The following SLC5A1 variants were observed in gnomAD, a reference collection of about 807,000 sequenced individuals.
SLC5A1 encodes solute carrier family 5 member 1.
A neutral mutation model predicts 73.5 loss-of-function variants in SLC5A1; 42 were observed. The observed-to-expected ratio is 0.57, with a 90% CI of 0.45 to 0.74. SLC5A1 has a LOEUF of 0.74. SLC5A1 is among the 30% of genes least tolerant of loss of function. The pLI is 0.00. For missense variants in SLC5A1, 634 were observed against 855.4 expected, an observed-to-expected ratio of 0.74 and a Z score of 3.23; for synonymous variants, 300 against 317.4, an observed-to-expected ratio of 0.95 and a Z score of 0.58.
intron 12 of SLC5A1, among the ~76,000 whole-genome samples, chr22:32,099,737 A>AT: frequency 6.6e-6 from 1 of 152,062 alleles, no homozygotes; most frequent in South Asian, 2.1e-4. Context: ...AATCTTGGTG[A>AT]TTTTGACCTG....
intron 11 of SLC5A1, among the ~76,000 whole-genome samples, chr22:32,098,809 G>A (rs916494836): frequency 7.9e-5 from 12 of 151,962 alleles, no homozygotes; most frequent in African/African-American, 2.4e-4. Flanking sequence ...TGTAGAGGCC[G>A]GGTGCGGTGG....
intron 2 of SLC5A1, 147 bp downstream of exon 2, chr22:32,050,161 G>A (rs1201114105): frequency 1.3e-6 from 1 of 763,132 alleles, no homozygotes; most frequent in African/African-American, 1.7e-5. Flanking sequence ...TGCTCATCGG[G>A]TCTCCTGGGC....
intron 14 of SLC5A1, among the ~76,000 whole-genome samples, chr22:32,106,222 G>T (rs947078362): frequency 5.3e-5 from 8 of 152,168 alleles, no homozygotes; most frequent in African/African-American, 1.9e-4. Flanking sequence ...ATCCTCACCA[G>T]CATTTGTTAT....
chr22:32,062,376 C>T (rs1000971876), intron 2 of SLC5A1, among the ~76,000 whole-genome samples: 1 of 152,144 alleles, frequency 6.6e-6, no homozygotes, highest in Non-Finnish European at 1.5e-5. Context: ...TCCCTAAAAT[C>T]AAAAGAATAA....
chr22:32,109,919 GCT>G (rs1196093312), intron 14 of SLC5A1, 69 bp from the exon 15 acceptor site: 1 of 1,172,814 alleles, frequency 8.5e-7, no homozygotes, highest in African/African-American at 1.5e-5. Flanking sequence ...TCATGGTGTG[GCT>G]TCTCCCCTGA....
chr22:32,099,318 G>A lies in SLC5A1; in HGVS notation c.1416G>A (p.Leu472=). 1 of 1,613,150 alleles carries A rather than the reference G, an allele frequency of 6.2e-7. No homozygotes were observed. Among genetic ancestry groups the A allele is most frequent in the Non-Finnish European group, 8.5e-7 (1 of 1,179,662 alleles). The change falls in exon 12 of 15, where the codon CTG becomes CTA. Residue 472 remains leucine (L), a synonymous_variant. Transcript: ENST00000266088. ...GACCACCCATTGCGGCTGTCTTCCT[G>A]CTTGCTATTTTCTGGAAGAGAGTCA... is the stretch of plus-strand genomic sequence containing the variant. The part of the protein sequence containing the change: ...YLGPPIAAVF[L]LAIFWKRVNE...
intron 1 of SLC5A1, among the ~76,000 whole-genome samples, chr22:32,047,787 A>G (rs2093939057): frequency 6.6e-6 from 1 of 152,196 alleles, no homozygotes; most frequent in Non-Finnish European, 1.5e-5. Context: ...AGTGCCTGAG[A>G]TGTCACCATC....
intron 2 of SLC5A1, among the ~76,000 whole-genome samples, chr22:32,063,808 CAG>C (rs1378982292): frequency 9.9e-5 from 15 of 152,100 alleles, no homozygotes; most frequent in African/African-American, 3.6e-4. Context: ...AAGGCAGAGT[CAG>C]AGTTTTGGTA....
In SLC5A1 at chr22:32,110,670, CTT is replaced by C. The variant is rs1010547866; in HGVS notation, c.*458_*459del. 3 of 261,482 alleles carry C rather than the reference CTT, an allele frequency of 1.1e-5. No homozygotes were observed. Among genetic ancestry groups the C allele is most frequent in the Non-Finnish European group, 2.2e-5 (3 of 134,624 alleles). 16.2% of individuals were successfully genotyped at this position (261,482 alleles called of 1,614,324 possible). On this transcript the variant is annotated 3_prime_UTR_variant, in exon 15 of 15. Coordinates refer to ENST00000266088, the MANE Select transcript of SLC5A1 (RefSeq NM_000343.4). The stretch of plus-strand genomic sequence containing the variant: ...GCTGTTTTCCCCTCATCATATCCCT[CTT>C]GAGTTTTGCCTGGACTTTCCCTCTC...
At chr22:32,097,598 A>C (rs2094028336) in intron 11 of SLC5A1, among the ~76,000 whole-genome samples, 1 of 152,192 alleles carries the variant, frequency 6.6e-6, no homozygotes, top group Admixed American at 6.5e-5. Context: ...TCCTTTATAA[A>C]ATCATCTTGT....
Position 32,066,892 on chromosome 22 carries a change from G to GGA in SLC5A1, c.208-39_208-38dup, listed in dbSNP as rs759201448. On this transcript the variant is annotated intron_variant, in intron 2 of 14. Coordinates refer to ENST00000266088, the MANE Select transcript of SLC5A1 (RefSeq NM_000343.4). The stretch of plus-strand genomic sequence containing the variant: ...TCTTTGACCCACTCTGAGTGTCCTG[G>GGA]GAGAGCACAGAGCCCTCACCTGACT... 2.9e-6 allele frequency: 4 copies of GGA among 1,364,986 alleles called. No individual in the cohort carries two copies. In the South Asian group the frequency reaches 4.7e-5, roughly 16 times the overall value. 84.6% of individuals were successfully genotyped at this position (1,364,986 alleles called of 1,614,324 possible). A position where few individuals can be genotyped will look rare whatever the true frequency, so the allele number is the denominator to read the frequency against.
intron 1 of SLC5A1, among the ~76,000 whole-genome samples, chr22:32,044,955 A>G (rs1172517700): frequency 6.6e-6 from 1 of 152,240 alleles, no homozygotes; most frequent in Non-Finnish European, 1.5e-5. Context: ...TATTTTTACA[A>G]AAGCCACAAG....
chr22:32,095,893 G>A (rs752305601), intron 11 of SLC5A1, among the ~76,000 whole-genome samples: 6 of 152,220 alleles, frequency 3.9e-5, no homozygotes, highest in Non-Finnish European at 7.4e-5. Flanking sequence ...CATTCATCAC[G>A]CTATTTGTTG....
At chr22:32,055,056 G>A (rs1047585672) in intron 2 of SLC5A1, among the ~76,000 whole-genome samples, 3 of 152,190 alleles carry the variant, frequency 2.0e-5, no homozygotes, top group Admixed American at 2.0e-4. Context: ...ATCTCGATGA[G>A]AGGATGGATT....
rs1370513321 is a variant in SLC5A1, at chr22:32,110,021, C to T, written c.1803C>T (p.Ile601=). ...ETQVPEKKKG[I]FRRAYDLFCG... ...AAGTTCCTGAGAAGAAAAAAGGAAT[C>T]TTCAGGAGAGCCTATGACCTATTTT... Residue 601 remains isoleucine, a synonymous_variant, in exon 15 of 15, where the codon ATC becomes ATT. Transcript: ENST00000266088. 6.2e-7 allele frequency: 1 copy of T among 1,614,076 alleles called. No individual in the cohort carries two copies. Among genetic ancestry groups the T allele is most frequent in the Non-Finnish European group, 8.5e-7 (1 of 1,179,978 alleles).
Position 32,102,070 on chromosome 22 carries a change from A to G in SLC5A1, c.1498A>G (p.Met500Val). 1 of 1,614,084 alleles carries G rather than the reference A, an allele frequency of 6.2e-7. No individual in the cohort carries two copies. The highest frequency in any genetic ancestry group is 8.5e-7 in the Non-Finnish European group (1 of 1,180,020). Reference protein sequence around the residue: ...ILGLLIGISRMITEFAYGTGS... With the variant: ...ILGLLIGISRVITEFAYGTGS... ...AGGACTTCTGATTGGGATTTCACGTATGATTACTGAGTTTGCTTATGGAAC... is the reference window on the plus strand; with the variant it reads ...AGGACTTCTGATTGGGATTTCACGTGTGATTACTGAGTTTGCTTATGGAAC... Residue 500 changes from methionine to valine, a missense_variant, in exon 13 of 15, where the codon ATG (methionine) becomes GTG (valine). Physicochemically the swap from Met to Val is conservative, Grantham distance 21 (BLOSUM62 1). This residue lies in a region of SLC5A1 where 422 missense variants were observed against 626.1 expected (regional missense o/e 0.67). Transcript: ENST00000266088.
intron 12 of SLC5A1, among the ~76,000 whole-genome samples, chr22:32,101,295 G>T (rs1348752904): frequency 6.6e-6 from 1 of 151,798 alleles, no homozygotes; most frequent in Non-Finnish European, 1.5e-5. Context: ...ACTTACCTAA[G>T]GGAAAGATAG....
rs991471945 is a variant in SLC5A1 at position 32,052,720 on chromosome 22, A to AT, written c.207+2718dup. On this transcript the variant is annotated intron_variant, in intron 2 of 14. Transcript: ENST00000266088. ...GAGAGCTAGGCCTACGCTTTTCTTA[A>AT]TTTTTTTTTTTTGGCCTCACAACAC... is the stretch of plus-strand genomic sequence containing the variant. 1.2e-3 allele frequency among the ~76,000 whole-genome samples: 174 copies of AT among 146,558 alleles called. No individual in the cohort carries two copies. The East Asian group carries it at 0.012, about 10-fold the overall frequency.
chr22:32,069,719 A>G (rs559033479), intron 5 of SLC5A1, among the ~76,000 whole-genome samples: 27 of 152,276 alleles, frequency 1.8e-4, no homozygotes, highest in African/African-American at 6.5e-4. Context: ...GTTGGCCCCA[A>G]CTTTAGAGGC....
Sources: gnomAD v4.1 joint callset for allele counts (sites outside exome capture counted in the v4.1 genomes callset) on GRCh38, gnomAD v4.1.1 for gene constraint, gnomAD v4.1.1 regional missense constraint, MANE v1.5 for transcripts, NCBI Gene and HGNC (gene_info 2026-07-23, HGNC 2026-07-21) for gene names.